The following GARRE1 variants were observed in gnomAD, a reference collection of about 807,000 sequenced individuals.
GARRE1 encodes the protein granule associated Rac and RHOG effector 1.
GARRE1 carries 49 observed loss-of-function variants against 103.2 expected under a neutral mutation model. That is an observed-to-expected ratio of 0.47 (90% CI 0.38 to 0.60). The LOEUF is 0.60. Ranked by LOEUF, GARRE1 falls within the 20% of genes least tolerant of loss-of-function variation. The pLI is 0.00. For synonymous variants in GARRE1, 505 were observed against 532.8 expected, an observed-to-expected ratio of 0.95 and a Z score of 0.72; for missense variants, 1,199 against 1,370.5, an observed-to-expected ratio of 0.87 and a Z score of 1.98.
chr19:34,332,295 A>G (rs192137534), intron 7 of GARRE1, among the ~76,000 whole-genome samples: 1 of 152,260 alleles, frequency 6.6e-6, no homozygotes, highest in East Asian at 1.9e-4. Context: ...TGCCTTGCTG[A>G]AGCGTGGAAG....
Position 34,260,110 on chromosome 19 carries a change from T to C in GARRE1, c.-796+5496T>C, listed in dbSNP as rs1212567530. 3.3e-5 allele frequency among the ~76,000 whole-genome samples: 5 copies of C among 152,218 alleles called. No individual in the cohort carries two copies. The East Asian group carries it at 7.7e-4, about 23-fold the overall frequency. On this transcript the variant is annotated intron_variant, in intron 1 of 13. Transcript: ENST00000299505. ...GAGAACAGACTAATAAACCTTATTTTAAGAAATTGCCACAGCCACCCCAAC... is the reference window on the plus strand; with the variant it reads ...GAGAACAGACTAATAAACCTTATTTCAAGAAATTGCCACAGCCACCCCAAC...
intron 2 of GARRE1, among the ~76,000 whole-genome samples, chr19:34,315,869 T>C (rs1174756225): frequency 6.6e-6 from 1 of 152,158 alleles, no homozygotes; most frequent in South Asian, 2.1e-4. Flanking sequence ...GCAGCAGATG[T>C]TGTGTGTGTG....
At chr19:34,273,902 G>A (rs1310012016) in intron 1 of GARRE1, among the ~76,000 whole-genome samples, 2 of 152,118 alleles carry the variant, frequency 1.3e-5, no homozygotes, top group African/African-American at 4.8e-5. Context: ...TAAGAAAATT[G>A]GGAAGGGTAA....
chr19:34,258,045 A>G (rs1599742572), intron 1 of GARRE1, among the ~76,000 whole-genome samples: 1 of 149,616 alleles, frequency 6.7e-6, no homozygotes, highest in Admixed American at 6.7e-5. Context: ...CTGCGCCACC[A>G]CCCCCAGCAA....
intron 1 of GARRE1, among the ~76,000 whole-genome samples, chr19:34,298,958 C>T (rs976165031): frequency 2.0e-5 from 3 of 152,122 alleles, no homozygotes; most frequent in Non-Finnish European, 4.4e-5. Flanking sequence ...AACTGGTATA[C>T]CTTGCCAGGC....
intron 2 of GARRE1, among the ~76,000 whole-genome samples, chr19:34,301,511 C>CT (rs2073978413): frequency 2.6e-5 from 1 of 38,638 alleles, no homozygotes; most frequent in Non-Finnish European, 4.5e-5. Context: ...GAGACCATGT[C>CT]TCAAAAAAAA....
At chr19:34,335,562 G>A (rs28600799) in intron 8 of GARRE1, among the ~76,000 whole-genome samples, 4,720 of 152,284 alleles carry the variant, frequency 0.031, 245 homozygotes, top group African/African-American at 0.11. Flanking sequence ...ATCTCGGTCT[G>A]TCGCCCAGGC....
At chr19:34,340,304 A>G (rs1430045154) in intron 9 of GARRE1, among the ~76,000 whole-genome samples, 1 of 152,200 alleles carries the variant, frequency 6.6e-6, no homozygotes, top group Non-Finnish European at 1.5e-5. Context: ...AATTAAGAAC[A>G]GAGAAATGTT....
At chr19:34,307,297 C>G (rs1413066608) in intron 2 of GARRE1, among the ~76,000 whole-genome samples, 1 of 152,030 alleles carries the variant, frequency 6.6e-6, no homozygotes, top group Non-Finnish European at 1.5e-5. Context: ...CTCCCCTTGC[C>G]TTCTTCATAC....
At chr19:34,274,462 A>G (rs1420435393) in intron 1 of GARRE1, among the ~76,000 whole-genome samples, 2 of 152,228 alleles carry the variant, frequency 1.3e-5, no homozygotes, top group Non-Finnish European at 2.9e-5. Flanking sequence ...AGTGAAGAGT[A>G]GAGGATAACT....
In GARRE1 at chr19:34,339,991, AGGTTGGTG is replaced by A; in HGVS notation, c.1487_1487+7del. 1 of 1,614,192 alleles carries A rather than the reference AGGTTGGTG, an allele frequency of 6.2e-7. No homozygotes were observed. The highest frequency in any genetic ancestry group is 8.5e-7 in the Non-Finnish European group (1 of 1,180,024). On this transcript the variant is annotated splice_donor_variant and splice_donor_5th_base_variant and coding_sequence_variant and intron_variant, in exon 9 of 14. Coordinates refer to ENST00000299505, the MANE Select transcript of GARRE1 (RefSeq NM_014686.5). LOFTEE classifies it high-confidence loss of function. Reference sequence around the variant, plus strand: ...GGACCTAAACCGCTGGAGGGCTGGAAGGTTGGTGTCTGTGGTTTGCATTAGATGCATAC... The same window carrying A: ...GGACCTAAACCGCTGGAGGGCTGGAATCTGTGGTTTGCATTAGATGCATAC...
chr19:34,278,370 G>T (rs570922302), intron 1 of GARRE1, among the ~76,000 whole-genome samples: 3 of 147,656 alleles, frequency 2.0e-5, no homozygotes, highest in Non-Finnish European at 3.0e-5. Flanking sequence ...CTTGAACCCA[G>T]GAGGCAGAGG....
At chr19:34,303,736 C>G (rs1278363658) in intron 2 of GARRE1, among the ~76,000 whole-genome samples, 1 of 152,104 alleles carries the variant, frequency 6.6e-6, no homozygotes, top group Non-Finnish European at 1.5e-5. Context: ...TTGCCTCAGC[C>G]TCCCGAGTAG....
chr19:34,335,895 T>TTG (rs1372196543), intron 8 of GARRE1, among the ~76,000 whole-genome samples: 1 of 152,184 alleles, frequency 6.6e-6, no homozygotes, highest in Non-Finnish European at 1.5e-5. Context: ...ATGAATATAT[T>TTG]TAAGTAAATG....
At chr19:34,338,709 G>A (rs926804487) in intron 8 of GARRE1, among the ~76,000 whole-genome samples, 1 of 152,218 alleles carries the variant, frequency 6.6e-6, no homozygotes, top group African/African-American at 2.4e-5. Context: ...AGGAAGAGAA[G>A]GCCTCACAGC....
intron 10 of GARRE1, among the ~76,000 whole-genome samples, chr19:34,345,876 A>G (rs1312035685): frequency 1.3e-5 from 2 of 152,244 alleles, no homozygotes; most frequent in Non-Finnish European, 2.9e-5. Flanking sequence ...TTGACCTCTG[A>G]GTCCTGGATA....
Position 34,274,795 on chromosome 19 carries a change from C to T in GARRE1, c.-796+20181C>T, listed in dbSNP as rs114534835. On this transcript the variant is annotated intron_variant, in intron 1 of 13. Transcript: ENST00000299505. The stretch of plus-strand genomic sequence containing the variant: ...GGAGAGCCAGCACTAAGCGTCTTTT[C>T]GTGTTAGCAGCTTACAGAGTTGCTT... 2.2e-3 allele frequency among the ~76,000 whole-genome samples: 342 copies of T among 152,262 alleles called. 4 individuals are homozygous for T. Among genetic ancestry groups the T allele is most frequent in the African/African-American group, 7.4e-3 (307 of 41,534 alleles).
At chr19:34,301,593 C>T (rs1465759632) in intron 2 of GARRE1, among the ~76,000 whole-genome samples, 2 of 149,134 alleles carry the variant, frequency 1.3e-5, no homozygotes, top group Admixed American at 6.7e-5. Flanking sequence ...TTCAAATTTT[C>T]AAGTCAGAAC....
chr19:34,310,673 TA>T (rs765612661), intron 2 of GARRE1, among the ~76,000 whole-genome samples: 14 of 152,104 alleles, frequency 9.2e-5, no homozygotes, highest in Non-Finnish European at 1.8e-4. Context: ...ACAAGGACAA[TA>T]AAAGCACTCC....
Sources: allele counts gnomAD v4.1 joint callset (sites outside exome capture counted in the v4.1 genomes callset), GRCh38; gene constraint gnomAD v4.1.1; transcripts MANE v1.5; gene names NCBI Gene and HGNC (gene_info 2026-07-23, HGNC 2026-07-21).